FASTKD2: variants seen among roughly 807,000 people sequenced by gnomAD.
FASTKD2 encodes FAST kinase domain-containing protein 2, mitochondrial.
FASTKD2 carries 51 observed loss-of-function variants against 63.6 expected under a neutral mutation model. The observed-to-expected ratio is 0.80, with a 90% CI of 0.64 to 1.01. The LOEUF (loss-of-function observed/expected upper bound fraction) is 1.01, where lower values mean the gene tolerates loss of function less well. Among genes scored for constraint, FASTKD2 ranks in the 50% least tolerant of loss-of-function variants. FASTKD2 has a pLI of 0.00. For synonymous variants in FASTKD2, 284 were observed against 293.4 expected, an observed-to-expected ratio of 0.97 and a Z score of 0.33; for missense variants, 786 against 831.1, an observed-to-expected ratio of 0.95 and a Z score of 0.67.
At chr2:206,774,155 G>A in intron 6 of FASTKD2, 70 bp from the exon 7 acceptor site, 1 of 1,052,140 alleles carries the variant, frequency 9.5e-7, no homozygotes, top group Non-Finnish European at 1.4e-6. Context: ...TAGATTTTTT[G>A]AGATCTAAAA....
chr2:206,768,422 C>T (rs1689582545), intron 2 of FASTKD2, among the ~76,000 whole-genome samples: 1 of 152,114 alleles, frequency 6.6e-6, no homozygotes, highest in African/African-American at 2.4e-5. Context: ...ATTTCTTAGC[C>T]AGGTGTGGTG....
At chr2:206,768,256 T>C (rs1689578789) in intron 2 of FASTKD2, among the ~76,000 whole-genome samples, 1 of 152,210 alleles carries the variant, frequency 6.6e-6, no homozygotes, top group South Asian at 2.1e-4. Flanking sequence ...TAAAATTGGA[T>C]GGAGGGAGCC....
chr2:206,787,286 T>G (rs2105986473), intron 8 of FASTKD2, among the ~76,000 whole-genome samples: 1 of 152,308 alleles, frequency 6.6e-6, no homozygotes, highest in South Asian at 2.1e-4. Flanking sequence ...CTGTAAACAC[T>G]TGGTCACTCC....
At position 206,774,996 on chromosome 2, in the gene FASTKD2, C is replaced by T. The variant is rs147274379; in HGVS notation, c.1427+599C>T. On this transcript the variant is annotated intron_variant, in intron 7 of 11. Transcript: ENST00000402774. ...GATACTTTATATAAGTGGAGTCATG[C>T]GGTATTTGTCCTTCTATGACTAGCT... 9.9e-5 allele frequency among the ~76,000 whole-genome samples: 15 copies of T among 152,052 alleles called. No homozygotes were observed. The East Asian group carries it at 2.1e-3, about 22-fold the overall frequency.
Position 206,766,956 on chromosome 2 carries a change from T to C in FASTKD2, c.263T>C (p.Val88Ala). Residue 88 changes from valine to alanine, a missense_variant, in exon 2 of 12, where the codon GTT becomes GCT. Transcript: ENST00000402774. ...GATGCATTCATTTTTAAATCAGATG[T>C]TGGCTTTCAAACAAAGGGCATAAGC... ...FQDAFIFKSD[V>A]GFQTKGISTL... is the part of the protein sequence containing the mutation. The C allele has an allele frequency of 3.1e-6, 5 of 1,607,366 alleles. No individual in the cohort carries two copies. Among genetic ancestry groups the C allele is most frequent in the Non-Finnish European group, 4.3e-6 (5 of 1,175,250 alleles).
At position 206,792,147 on chromosome 2, in the gene FASTKD2, C is replaced by T; in HGVS notation, c.*345C>T. ...GGTTGATGTGGGTAGTAGTCCTTGT[C>T]TTTGGAATCTGAATATTTATACTCC... is the stretch of plus-strand genomic sequence containing the variant. On this transcript the variant is annotated 3_prime_UTR_variant, in exon 12 of 12. Coordinates refer to ENST00000402774, the MANE Select transcript of FASTKD2 (RefSeq NM_001136193.2). The T allele has an allele frequency of 3.2e-6, 1 of 311,518 alleles. No individual in the cohort carries two copies. Among genetic ancestry groups the T allele is most frequent in the Non-Finnish European group, 6.1e-6 (1 of 163,900 alleles). 19.3% of individuals were successfully genotyped at this position (311,518 alleles called of 1,614,324 possible).
chr2:206,778,817 G>A (rs556360359), intron 7 of FASTKD2, among the ~76,000 whole-genome samples: 89 of 152,146 alleles, frequency 5.8e-4, no homozygotes, highest in African/African-American at 2.1e-3. Context: ...TCATAGGCGC[G>A]TGAACCCTAT....
In FASTKD2 at chr2:206,790,655, A is replaced by G; in HGVS notation, c.1982A>G (p.His661Arg). The change falls in exon 11 of 12, where the codon CAT (histidine) becomes CGT (arginine). Residue 661 changes from histidine (H) to arginine (R), a missense_variant. His to Arg is a conservative substitution (Grantham distance 29, BLOSUM62 0). Transcript: ENST00000402774. ...PRGFLAMKMR[H>R]LNAMGFHVIL... ...GGATTCCTTGCTATGAAAATGCGGC[A>G]TTTGAATGCAATGGGTTTTCATGTG... is the stretch of plus-strand genomic sequence containing the variant. 1.2e-6 allele frequency: 2 copies of G among 1,610,986 alleles called. No individual in the cohort carries two copies. Among genetic ancestry groups the G allele is most frequent in the South Asian group, 2.2e-5 (2 of 91,024 alleles).
rs910799417 is a variant in FASTKD2, at chr2:206,794,546, A to C, written c.*2744A>C. ...AGGTACAGGCTACTGTGCCCAGCTC[A>C]ATTCTTGATTGAGACATTTACCAGC... is the stretch of plus-strand genomic sequence containing the variant. On this transcript the variant is annotated 3_prime_UTR_variant, in exon 12 of 12. Transcript: ENST00000402774. Among the ~76,000 whole-genome samples, 1 of 152,144 alleles carries C rather than the reference A, an allele frequency of 6.6e-6. No individual in the cohort carries two copies.
Position 206,792,426 on chromosome 2 carries a change from CTCTT to C in FASTKD2, c.*630_*633del, listed in dbSNP as rs1690311383. ...TTACTGTTGTTGGGGTCCTTCCTTT[CTCTT>C]TCTTTTTTCCCCCTTACCCCTCCCA... On this transcript the variant is annotated 3_prime_UTR_variant, in exon 12 of 12. Coordinates refer to ENST00000402774, the MANE Select transcript of FASTKD2 (RefSeq NM_001136193.2). 6.6e-6 allele frequency: 1 copy of C among 152,554 alleles called. No homozygotes were observed. Among genetic ancestry groups the C allele is most frequent in the African/African-American group, 2.4e-5 (1 of 41,394 alleles). The allele number at this position is 152,554 out of a possible 1,614,324, so 9.5% of individuals were successfully genotyped here.
At position 206,791,927 on chromosome 2, in the gene FASTKD2, A is replaced by G. The variant is rs780427504; in HGVS notation, c.*125A>G. On this transcript the variant is annotated 3_prime_UTR_variant, in exon 12 of 12. Transcript: ENST00000402774. The stretch of plus-strand genomic sequence containing the variant: ...AAAAATGTTACCTCAGTTCACTATT[A>G]AAATTAATTTTAGGAGTGGAAGAAA... 2 of 838,072 alleles carry G rather than the reference A, an allele frequency of 2.4e-6. No individual in the cohort carries two copies. The highest frequency in any genetic ancestry group is 3.8e-6 in the Non-Finnish European group (2 of 532,648). The allele number at this position is 838,072 out of a possible 1,614,324, so 51.9% of individuals were successfully genotyped here.
chr2:206,785,184 A>T (rs542047381), intron 7 of FASTKD2, among the ~76,000 whole-genome samples: 1 of 152,232 alleles, frequency 6.6e-6, no homozygotes, highest in African/African-American at 2.4e-5. Flanking sequence ...TATGGGGGAA[A>T]CCACCCCCAT....
chr2:206,795,213 G>C lies in FASTKD2; in HGVS notation c.*3411G>C, dbSNP rs190561382. ...CTTCCTGGCCAGGAGGGCAGTGGCTGCCCAGAAGGCAGGAGATGGCTATCT... is the reference window on the plus strand; with the variant it reads ...CTTCCTGGCCAGGAGGGCAGTGGCTCCCCAGAAGGCAGGAGATGGCTATCT... On this transcript the variant is annotated 3_prime_UTR_variant, in exon 12 of 12. Coordinates refer to ENST00000402774, the MANE Select transcript of FASTKD2 (RefSeq NM_001136193.2). 1.3e-5 allele frequency among the ~76,000 whole-genome samples: 2 copies of C among 152,318 alleles called. No homozygotes were observed. The highest frequency in any genetic ancestry group is 1.3e-4 in the Admixed American group (2 of 15,306).
Position 206,782,926 on chromosome 2 carries a change from G to A in FASTKD2, c.1428-3807G>A, listed in dbSNP as rs138950316. On this transcript the variant is annotated intron_variant, in intron 7 of 11. Transcript: ENST00000402774. ...GAGTGTAGGTCACAGAGGCCTTGGG[G>A]GAACAAACTAGGGCAGTTGTGAAGG... Among the ~76,000 whole-genome samples, 405 of 151,856 alleles carry A rather than the reference G, an allele frequency of 2.7e-3. 1 individual carries two copies. The highest frequency in any genetic ancestry group is 5.2e-3 in the Non-Finnish European group (353 of 67,926).
chr2:206,790,379 T>C (rs567477167), intron 10 of FASTKD2, 193 bp from the exon 11 acceptor site: 10 of 549,332 alleles, frequency 1.8e-5, no homozygotes, highest in South Asian at 1.6e-4. Flanking sequence ...TTGTATATTT[T>C]TGATTTATAA....
chr2:206,769,941 A>G (rs1689620256), intron 2 of FASTKD2, 150 bp from the exon 3 acceptor site: 2 of 675,054 alleles, frequency 3.0e-6, no homozygotes, highest in African/African-American at 1.8e-5. Context: ...TTATTTCCCA[A>G]AGATGCTGTT....
intron 1 of FASTKD2, 76 bp downstream of exon 1, chr2:206,765,823 TCTGGTGAGGCTGGC>T (rs1254551006): frequency 6.6e-6 from 1 of 152,636 alleles, no homozygotes; most frequent in African/African-American, 2.4e-5. Context: ...GGTTCTGGGG[TCTGGTGAGGCTGGC>T]TGGTTGTATA....
At chr2:206,773,353 T>G (rs1424106446) in intron 6 of FASTKD2, among the ~76,000 whole-genome samples, 4 of 151,848 alleles carry the variant, frequency 2.6e-5, no homozygotes, top group Non-Finnish European at 5.9e-5. Context: ...GTATGGTACT[T>G]TTGTTAGATA....
chr2:206,790,293 C>T (rs1690248727), intron 10 of FASTKD2: 6 of 372,456 alleles, frequency 1.6e-5, no homozygotes, highest in South Asian at 1.5e-4. Flanking sequence ...AAAATTGGTG[C>T]TTTCATGTCT....
Sources: gnomAD v4.1 joint callset for allele counts (sites outside exome capture counted in the v4.1 genomes callset) on GRCh38, gnomAD v4.1.1 for gene constraint, MANE v1.5 for transcripts, NCBI Gene and HGNC (gene_info 2026-07-23, HGNC 2026-07-21) for gene names.